The following GPRIN3 variants were observed in gnomAD, a reference collection of about 807,000 sequenced individuals.
GPRIN3 encodes the protein G protein-regulated inducer of neurite outgrowth 3.
A neutral mutation model predicts 13.7 loss-of-function variants in GPRIN3; 12 were observed. The ratio of observed to expected loss-of-function variants is 0.87; its 90% CI spans 0.56 to 1.42. The LOEUF is 1.42. GPRIN3 is among the 40% of genes most tolerant of loss of function. The pLI is 0.00. For synonymous variants in GPRIN3, 377 were observed against 372.7 expected (o/e 1.01, Z -0.13); for missense variants, 1,009 against 958.7 (o/e 1.05, Z -0.69).
chr4:89,271,043 G>A (rs947342971), intron 1 of GPRIN3, among the ~76,000 whole-genome samples: 21 of 152,068 alleles, frequency 1.4e-4, no homozygotes, highest in Non-Finnish European at 5.9e-5. Flanking sequence ...GTTGATTAGT[G>A]GCCTGAAGAG....
chr4:89,288,055 G>A (rs1724470168), intron 1 of GPRIN3, among the ~76,000 whole-genome samples: 1 of 152,160 alleles, frequency 6.6e-6, no homozygotes, highest in Non-Finnish European at 1.5e-5. Context: ...ATAATGTACT[G>A]TCTAATTTCG....
At chr4:89,257,042 G>C (rs534888933) in intron 1 of GPRIN3, among the ~76,000 whole-genome samples, 1 of 152,210 alleles carries the variant, frequency 6.6e-6, no homozygotes, top group African/African-American at 2.4e-5. Context: ...CATCATACCG[G>C]GGCACTAACA....
intron 1 of GPRIN3, among the ~76,000 whole-genome samples, chr4:89,266,735 A>G (rs28569009): frequency 0.064 from 9,788 of 152,278 alleles, 486 homozygotes; most frequent in South Asian, 0.21. Flanking sequence ...TCTGTAAGAA[A>G]GATGATCCAA....
chr4:89,279,062 T>G (rs1724171492), intron 1 of GPRIN3, among the ~76,000 whole-genome samples: 1 of 152,168 alleles, frequency 6.6e-6, no homozygotes, highest in African/African-American at 2.4e-5. Flanking sequence ...ACTGGCAGTT[T>G]CACCAAGGCT....
Position 89,249,458 on chromosome 4 carries a change from C to A in GPRIN3, c.653G>T (p.Gly218Val), listed in dbSNP as rs1268716631. 6.2e-7 allele frequency: 1 copy of A among 1,613,948 alleles called. No homozygotes were observed. The highest frequency in any genetic ancestry group is 8.5e-7 in the Non-Finnish European group (1 of 1,180,014). ...VVSHSSSPVG[G>V]PEGERQGAIC... is the part of the protein sequence containing the mutation. ...GGCTCCCTGCCTTTCCCCTTCAGGT[C>A]CACCTACAGGAGAGGATGAGTGACT... Residue 218 changes from glycine (G) to valine (V), a missense_variant, in exon 2 of 2, where the codon GGA becomes GTA. Coordinates refer to ENST00000609438, the MANE Select transcript of GPRIN3 (RefSeq NM_198281.3).
intron 1 of GPRIN3, among the ~76,000 whole-genome samples, chr4:89,297,987 TTTCTC>T (rs1423213933): frequency 1.3e-5 from 2 of 152,206 alleles, no homozygotes; most frequent in African/African-American, 4.8e-5. Flanking sequence ...TTAGAGCTGT[TTTCTC>T]TAATGAATTA....
chr4:89,284,608 A>G (rs1042765909), intron 1 of GPRIN3, among the ~76,000 whole-genome samples: 1 of 152,212 alleles, frequency 6.6e-6, no homozygotes, highest in African/African-American at 2.4e-5. Flanking sequence ...TTTCTTACTA[A>G]CAGGAACTCA....
chr4:89,261,056 C>A (rs1299650765), intron 1 of GPRIN3, among the ~76,000 whole-genome samples: 1 of 152,040 alleles, frequency 6.6e-6, no homozygotes, highest in African/African-American at 2.4e-5. Flanking sequence ...GAGGATTTGT[C>A]ATTTTATTCA....
In GPRIN3 at chr4:89,241,754, C is replaced by A. The variant is rs923775063; in HGVS notation, c.*6026G>T. 1 of 152,116 alleles carries A rather than the reference C, an allele frequency of 6.6e-6. No individual in the cohort carries two copies. Among genetic ancestry groups the A allele is most frequent in the African/African-American group, 2.4e-5 (1 of 41,430 alleles). The allele number at this position is 152,116 out of a possible 1,614,324, so 9.4% of individuals were successfully genotyped here. ...TGATCTAAAATAAATGTTAAGGAATCTCAACTAAAATCATCAAGGATGCCA... is the reference window on the plus strand; with the variant it reads ...TGATCTAAAATAAATGTTAAGGAATATCAACTAAAATCATCAAGGATGCCA... On this transcript the variant is annotated 3_prime_UTR_variant, in exon 2 of 2. Transcript: ENST00000609438.
chr4:89,280,631 G>T (rs144664259), intron 1 of GPRIN3, among the ~76,000 whole-genome samples: 1 of 152,310 alleles, frequency 6.6e-6, no homozygotes, highest in Admixed American at 6.5e-5. Flanking sequence ...TAGAACCGGT[G>T]AATGTAATTT....
Position 89,249,306 on chromosome 4 carries a change from G to A in GPRIN3, c.805C>T (p.Pro269Ser), listed in dbSNP as rs185199861. The change falls in exon 2 of 2, where the codon CCC (proline) becomes TCC (serine). Residue 269 changes from proline to serine, a missense_variant. Transcript: ENST00000609438. The part of the protein sequence containing the change: ...GTTSVTPQPT[P>S]LTSEPSACPP... ...CATGCCGAAGGTTCGCTAGTGAGGG[G>A]GGTTGGTTGAGGTGTCACAGAAGTT... 15 of 1,614,092 alleles carry A rather than the reference G, an allele frequency of 9.3e-6. No individual in the cohort carries two copies. In the East Asian group the frequency reaches 2.2e-4, roughly 24 times the overall value.
rs78583550 is a variant in GPRIN3, at chr4:89,248,713, G to T, written c.1398C>A (p.Thr466=). 2.1e-4 allele frequency: 335 copies of T among 1,614,110 alleles called. No individual in the cohort carries two copies. Among genetic ancestry groups the T allele is most frequent in the Admixed American group, 4.5e-4 (27 of 60,024 alleles). Residue 466 remains threonine (T), a synonymous_variant, in exon 2 of 2, where the codon ACC becomes ACA. Transcript: ENST00000609438. ...CACTGATAGAAATCTGGTCAATGGC[G>T]GTAGCTTTCAGGGAGCTAGAATTAG... ...AGTNSSSLKA[T]AIDQISISAC...
chr4:89,270,568 TATA>T (rs1561205419), intron 1 of GPRIN3, among the ~76,000 whole-genome samples: 2 of 49,324 alleles, frequency 4.1e-5, no homozygotes, highest in Non-Finnish European at 7.5e-5. Context: ...ATATAATTTA[TATA>T]TATATATATA....
Position 89,248,241 on chromosome 4 carries a change from G to C in GPRIN3, c.1870C>G (p.Pro624Ala), listed in dbSNP as rs1029178245. 1.2e-5 allele frequency: 19 copies of C among 1,614,070 alleles called. No homozygotes were observed. Among genetic ancestry groups the C allele is most frequent in the Non-Finnish European group, 1.4e-5 (17 of 1,180,034 alleles). Residue 624 changes from proline to alanine, a missense_variant, in exon 2 of 2, where the codon CCA becomes GCA. By Grantham distance (27) the Pro-to-Ala change is conservative (BLOSUM62 -1). Coordinates refer to ENST00000609438, the MANE Select transcript of GPRIN3 (RefSeq NM_198281.3). ...GGGCTGGCTTTGACGGAGCGAGATG[G>C]GGTCTTCTTGCCAGAACCTGGGCTG... ...DSSPGSGKKT[P>A]SRSVKASPRR...
chr4:89,267,502 A>G (rs1469979306), intron 1 of GPRIN3, among the ~76,000 whole-genome samples: 6 of 152,210 alleles, frequency 3.9e-5, no homozygotes, highest in Non-Finnish European at 8.8e-5. Flanking sequence ...AACCAGCTTT[A>G]GAAGGTTCAC....
intron 1 of GPRIN3, among the ~76,000 whole-genome samples, chr4:89,302,194 C>T (rs1814762): frequency 0.6 from 91,824 of 151,936 alleles, 28,100 homozygotes; most frequent in Non-Finnish European, 0.65. Flanking sequence ...AAGGGGTGCA[C>T]AGTAACTGAT....
chr4:89,237,344 T>G lies in GPRIN3; in HGVS notation c.*10436A>C, dbSNP rs1722814372. On this transcript the variant is annotated 3_prime_UTR_variant, in exon 2 of 2. Coordinates refer to ENST00000609438, the MANE Select transcript of GPRIN3 (RefSeq NM_198281.3). ...AATAATGGTGGCATTCAGAAGTTCATTAAGAATGTGTATGCCATGGTCTAA... is the reference window on the plus strand; with the variant it reads ...AATAATGGTGGCATTCAGAAGTTCAGTAAGAATGTGTATGCCATGGTCTAA... 1 of 152,202 alleles carries G rather than the reference T, an allele frequency of 6.6e-6. No individual in the cohort carries two copies. The highest frequency in any genetic ancestry group is 1.5e-5 in the Non-Finnish European group (1 of 68,040). The allele number at this position is 152,202 out of a possible 1,614,324, so 9.4% of individuals were successfully genotyped here.
Position 89,238,183 on chromosome 4 carries a change from T to A in GPRIN3, c.*9597A>T, listed in dbSNP as rs1722834704. ...CTTGGAAATTTTGAAGCAATCACTG[T>A]TTAAAGTTCATGGGAAATTCACTAA... On this transcript the variant is annotated 3_prime_UTR_variant, in exon 2 of 2. Coordinates refer to ENST00000609438, the MANE Select transcript of GPRIN3 (RefSeq NM_198281.3). 6.6e-6 allele frequency: 1 copy of A among 152,154 alleles called. No homozygotes were observed. Among genetic ancestry groups the A allele is most frequent in the Non-Finnish European group, 1.5e-5 (1 of 68,034 alleles). 9.4% of individuals were successfully genotyped at this position (152,154 alleles called of 1,614,324 possible).
At chr4:89,292,035 T>C (rs190879286) in intron 1 of GPRIN3, among the ~76,000 whole-genome samples, 4 of 152,304 alleles carry the variant, frequency 2.6e-5, no homozygotes, top group East Asian at 1.9e-4. Flanking sequence ...CTCTTAGTCA[T>C]CTTTGTGTAC....
Sources: allele counts gnomAD v4.1 joint callset (sites outside exome capture counted in the v4.1 genomes callset), GRCh38; gene constraint gnomAD v4.1.1; transcripts MANE v1.5; gene names NCBI Gene and HGNC (gene_info 2026-07-23, HGNC 2026-07-21).